The following CCDC60 variants were observed in gnomAD, a reference collection of about 807,000 sequenced individuals.
CCDC60 encodes coiled-coil domain-containing protein 60.
A neutral mutation model predicts 63.5 loss-of-function variants in CCDC60; 54 were observed. The observed-to-expected ratio is 0.85, with a 90% CI of 0.68 to 1.07. CCDC60 has a LOEUF of 1.07. Among genes scored for constraint, CCDC60 ranks in the 50% least tolerant of loss-of-function variants. The pLI, the probability that CCDC60 is intolerant of heterozygous loss-of-function variation, is 0.00. For missense variants in CCDC60, 651 were observed against 684.3 expected, an observed-to-expected ratio of 0.95 and a Z score of 0.54; for synonymous variants, 206 against 238.8, an observed-to-expected ratio of 0.86 and a Z score of 1.27.
At chr12:119,461,489 G>A (rs1950856135) in intron 2 of CCDC60, among the ~76,000 whole-genome samples, 1 of 152,090 alleles carries the variant, frequency 6.6e-6, no homozygotes, top group Non-Finnish European at 1.5e-5. Flanking sequence ...AAGCCCTGCT[G>A]AGAATACTCC....
intron 2 of CCDC60, 132 bp from the exon 3 acceptor site, chr12:119,471,862 C>A: frequency 1.6e-6 from 1 of 612,170 alleles, no homozygotes; most frequent in Non-Finnish European, 2.7e-6. Flanking sequence ...CTACCTGTTT[C>A]TTTCTCTCTA....
At chr12:119,517,943 T>C (rs1318288780) in intron 8 of CCDC60, among the ~76,000 whole-genome samples, 1 of 152,168 alleles carries the variant, frequency 6.6e-6, no homozygotes, top group Non-Finnish European at 1.5e-5. Flanking sequence ...AGCAAATTCC[T>C]TCCTGAAAAT....
intron 7 of CCDC60, among the ~76,000 whole-genome samples, chr12:119,513,574 A>G (rs1162802867): frequency 6.6e-6 from 1 of 152,212 alleles, no homozygotes; most frequent in Non-Finnish European, 1.5e-5. Flanking sequence ...GTCATTGGAT[A>G]GAGGGTTCAT....
intron 1 of CCDC60, among the ~76,000 whole-genome samples, chr12:119,401,794 T>TG (rs1956397016): frequency 6.6e-6 from 1 of 152,246 alleles, no homozygotes; most frequent in Non-Finnish European, 1.5e-5. Context: ...AAGCTGCTAA[T>TG]TAATTCTTGT....
intron 1 of CCDC60, among the ~76,000 whole-genome samples, chr12:119,391,678 G>GAGCT (rs1175061426): frequency 1.5e-4 from 23 of 152,366 alleles, no homozygotes; most frequent in Admixed American, 5.2e-4. Flanking sequence ...TAGCAAATGA[G>GAGCT]AGCTATCGTT....
chr12:119,412,984 G>A (rs1253223183), intron 1 of CCDC60, among the ~76,000 whole-genome samples: 2 of 151,926 alleles, frequency 1.3e-5, no homozygotes, highest in East Asian at 1.9e-4. Context: ...TTCCAGACAC[G>A]CCATTTGCAA....
At chr12:119,497,990 T>C (rs1445515530) in intron 5 of CCDC60, among the ~76,000 whole-genome samples, 1 of 152,172 alleles carries the variant, frequency 6.6e-6, no homozygotes, top group African/African-American at 2.4e-5. Flanking sequence ...TACAAAAAGC[T>C]TAGAGGCACA....
At chr12:119,338,385 A>G (rs1475195851) in intron 1 of CCDC60, among the ~76,000 whole-genome samples, 1 of 152,154 alleles carries the variant, frequency 6.6e-6, no homozygotes, top group Non-Finnish European at 1.5e-5. Flanking sequence ...TATTGAACTC[A>G]AAAAACTCTT....
intron 5 of CCDC60, among the ~76,000 whole-genome samples, chr12:119,494,629 C>A (rs1407875389): frequency 6.6e-6 from 1 of 152,194 alleles, no homozygotes; most frequent in East Asian, 1.9e-4. Flanking sequence ...TCCACCCTTC[C>A]TTTAGAAATA....
At chr12:119,459,120 T>C (rs1332982408) in intron 2 of CCDC60, among the ~76,000 whole-genome samples, 1 of 152,212 alleles carries the variant, frequency 6.6e-6, no homozygotes, top group Non-Finnish European at 1.5e-5. Flanking sequence ...TAGTTCAGAC[T>C]TGCAGGAAGG....
intron 1 of CCDC60, among the ~76,000 whole-genome samples, chr12:119,423,765 T>C (rs574958643): frequency 1.3e-5 from 2 of 152,328 alleles, no homozygotes; most frequent in Non-Finnish European, 2.9e-5. Context: ...CCAGCACCTT[T>C]GTAACCACTC....
chr12:119,522,820 A>G, intron 9 of CCDC60, 119 bp from the exon 10 acceptor site: 1 of 876,952 alleles, frequency 1.1e-6, no homozygotes, highest in South Asian at 1.3e-5. Flanking sequence ...TGGTGCCTTG[A>G]TTAGAACCAC....
Position 119,500,126 on chromosome 12 carries a change from G to A in CCDC60, c.606G>A (p.Lys202=), listed in dbSNP as rs765656867. The change falls in exon 6 of 14, where the codon AAG becomes AAA. Residue 202 remains lysine (K), a synonymous_variant. Transcript: ENST00000327554. The stretch of plus-strand genomic sequence containing the variant: ...CCATTAAAAAAATCAATAAGGACAA[G>A]TCCATGGGACAGAAATGGGAGCATT... ...KSTIKKINKD[K]SMGQKWEHFI... 1 of 1,612,152 alleles carries A rather than the reference G, an allele frequency of 6.2e-7. No individual in the cohort carries two copies. The highest frequency in any genetic ancestry group is 1.7e-5 in the Admixed American group (1 of 59,470).
chr12:119,438,542 C>T (rs1163086980), intron 2 of CCDC60, among the ~76,000 whole-genome samples: 1 of 152,132 alleles, frequency 6.6e-6, no homozygotes, highest in African/African-American at 2.4e-5. Context: ...CAAATGAATT[C>T]ACTTCTCTAG....
rs1956031366 is a variant in CCDC60 at position 119,383,641 on chromosome 12, T to G, written c.91-45042T>G. Among the ~76,000 whole-genome samples the G allele has an allele frequency of 1.3e-5, 2 of 152,202 alleles. 1 individual carries two copies. Among genetic ancestry groups the G allele is most frequent in the Admixed American group, 1.3e-4 (2 of 15,290 alleles). The stretch of plus-strand genomic sequence containing the variant: ...ATAGCATATCTGAGCATTCATGCCT[T>G]TTGAGAGCTCAAGAGACACAGCAAG... On this transcript the variant is annotated intron_variant, in intron 1 of 13. Transcript: ENST00000327554.
At position 119,493,328 on chromosome 12, in the gene CCDC60, G is replaced by A. The variant is rs545903733; in HGVS notation, c.557+4462G>A. On this transcript the variant is annotated intron_variant, in intron 5 of 13. Coordinates refer to ENST00000327554, the MANE Select transcript of CCDC60 (RefSeq NM_178499.5). Reference sequence around the variant, plus strand: ...TTATGGATTTTATAGGAAGAAAGTCGGAGTGGTTCGATACCTCAATGAGGG... The same window carrying A: ...TTATGGATTTTATAGGAAGAAAGTCAGAGTGGTTCGATACCTCAATGAGGG... 5.3e-5 allele frequency among the ~76,000 whole-genome samples: 8 copies of A among 152,152 alleles called. No homozygotes were observed. In the South Asian group the frequency reaches 8.3e-4, roughly 16 times the overall value.
At chr12:119,537,545 G>A (rs1953040179) in intron 13 of CCDC60, among the ~76,000 whole-genome samples, 1 of 152,172 alleles carries the variant, frequency 6.6e-6, no homozygotes, top group Non-Finnish European at 1.5e-5. Context: ...CCACCTTTGT[G>A]GTTTTATCTA....
intron 1 of CCDC60, among the ~76,000 whole-genome samples, chr12:119,406,186 T>G (rs1403472711): frequency 1.6e-5 from 2 of 123,742 alleles, no homozygotes; most frequent in Admixed American, 8.8e-5. Context: ...AATATATATA[T>G]ATATAGATAT....
chr12:119,510,556 G>A (rs955346629), intron 7 of CCDC60, among the ~76,000 whole-genome samples: 1 of 151,898 alleles, frequency 6.6e-6, no homozygotes, highest in Non-Finnish European at 1.5e-5. Context: ...GTATCCAGTA[G>A]GCCCTTCTCA....
Sources: gnomAD v4.1 joint callset for allele counts (sites outside exome capture counted in the v4.1 genomes callset) on GRCh38, gnomAD v4.1.1 for gene constraint, MANE v1.5 for transcripts, NCBI Gene and HGNC (gene_info 2026-07-23, HGNC 2026-07-21) for gene names.